The following CBR4 variants were observed in gnomAD, a reference collection of about 807,000 sequenced individuals.
The protein encoded by CBR4 is carbonyl reductase 4.
A neutral mutation model predicts 21.0 loss-of-function variants in CBR4; 22 were observed. That is an observed-to-expected ratio of 1.05 (90% confidence interval 0.75 to 1.50). The LOEUF (loss-of-function observed/expected upper bound fraction) is 1.50, where lower values mean the gene tolerates loss of function less well. Ranked by LOEUF, CBR4 falls within the 40% of genes most tolerant of loss-of-function variation. CBR4 has a pLI of 0.00. For synonymous variants in CBR4, 100 were observed against 104.4 expected (o/e 0.96, Z 0.26); for missense variants, 302 against 286.3 (o/e 1.05, Z -0.40).
chr4:168,937,739 G>A (rs1435114140), intron 2 of CBR4, among the ~76,000 whole-genome samples: 4 of 151,624 alleles, frequency 2.6e-5, no homozygotes, highest in African/African-American at 4.8e-5. Context: ...ATGGTAAAGG[G>A]ATCAATGCAA....
intron 2 of CBR4, among the ~76,000 whole-genome samples, chr4:168,902,179 T>G (rs1042205701): frequency 1.3e-5 from 2 of 152,242 alleles, no homozygotes; most frequent in African/African-American, 4.8e-5. Flanking sequence ...AATGTCAGTT[T>G]ATGTTACCAA....
chr4:168,914,766 T>G (rs1759757258), intron 2 of CBR4, among the ~76,000 whole-genome samples: 1 of 152,206 alleles, frequency 6.6e-6, no homozygotes, highest in South Asian at 2.1e-4. Context: ...AGGTGCAAAC[T>G]CCTTTAGTGA....
intron 2 of CBR4, among the ~76,000 whole-genome samples, chr4:168,934,408 T>G (rs1234050676): frequency 6.6e-6 from 1 of 151,212 alleles, no homozygotes; most frequent in East Asian, 1.9e-4. Flanking sequence ...AAAAAGTTGG[T>G]TTTTTGAAAA....
intron 2 of CBR4, among the ~76,000 whole-genome samples, chr4:168,900,854 A>G (rs1050594046): frequency 6.6e-6 from 1 of 152,238 alleles, no homozygotes; most frequent in African/African-American, 2.4e-5. Context: ...AACGAAATTC[A>G]ATAAGGAATT....
At chr4:168,967,013 T>TTA (rs1764061033) in intron 2 of CBR4, among the ~76,000 whole-genome samples, 1 of 143,776 alleles carries the variant, frequency 7.0e-6, no homozygotes, top group Non-Finnish European at 1.5e-5. Context: ...AAACTCCATC[T>TTA]AAAAAAAAAA....
At chr4:168,947,076 TC>T (rs932126170) in intron 2 of CBR4, among the ~76,000 whole-genome samples, 1 of 152,044 alleles carries the variant, frequency 6.6e-6, no homozygotes, top group African/African-American at 2.4e-5. Context: ...ACCTCAGAAG[TC>T]CCTCTACATG....
rs542126620 is a variant in CBR4 at position 168,975,377 on chromosome 4, G to A, written n.169+26694C>T. ...TAGTGCACTGGTTTTCTTGAATGCT[G>A]GTTATGTTAGCAGTGAAGTTGTCAC... On this transcript the variant is annotated intron_variant and non_coding_transcript_variant, in intron 2 of 3. Transcript: ENST00000509108. Among the ~76,000 whole-genome samples the A allele has an allele frequency of 2.0e-5, 3 of 152,328 alleles. No individual in the cohort carries two copies. The East Asian group carries it at 5.8e-4, about 29-fold the overall frequency.
intron 2 of CBR4, among the ~76,000 whole-genome samples, chr4:168,909,689 G>A (rs1250506933): frequency 2.0e-5 from 3 of 152,116 alleles, no homozygotes; most frequent in African/African-American, 4.8e-5. Context: ...GCATTAATGT[G>A]CATCAGAGCC....
At chr4:168,924,228 T>TA (rs745438422) in intron 2 of CBR4, 1 of 1,600,334 alleles carries the variant, frequency 6.2e-7, no homozygotes. Flanking sequence ...ATATCATTGA[T>TA]AGAGAATTCA....
In CBR4 at chr4:168,914,012, A is replaced by G; in HGVS notation, n.170-19247T>C. 6.3e-7 allele frequency: 1 copy of G among 1,591,286 alleles called. No individual in the cohort carries two copies. Among genetic ancestry groups the G allele is most frequent in the Non-Finnish European group, 8.6e-7 (1 of 1,159,356 alleles). ...CCCCGGTCTCCCTCAGGCCATCCTC[A>G]TGTCAGAAGGTATTTAACATGTTCC... On this transcript the variant is annotated intron_variant and non_coding_transcript_variant, in intron 2 of 3. Coordinates refer to the CBR4 transcript ENST00000509108.
intron 2 of CBR4, among the ~76,000 whole-genome samples, chr4:168,962,495 C>T (rs757909197): frequency 3.6e-4 from 55 of 152,246 alleles, no homozygotes; most frequent in Non-Finnish European, 6.3e-4. Context: ...GAGGATAATA[C>T]TCAGGTCTCT....
chr4:168,991,881 G>A (rs1764943513), intron 4 of CBR4, among the ~76,000 whole-genome samples: 1 of 152,124 alleles, frequency 6.6e-6, no homozygotes, highest in Non-Finnish European at 1.5e-5. Flanking sequence ...AACATTTAAT[G>A]TGCAATCTCA....
chr4:168,898,838 G>C, intron 2 of CBR4: 1 of 748,294 alleles, frequency 1.3e-6, no homozygotes, highest in Non-Finnish European at 2.3e-6. Context: ...CGATATAAAG[G>C]GTTTTAAATA....
At chr4:168,938,367 A>T (rs943336729) in intron 2 of CBR4, among the ~76,000 whole-genome samples, 2 of 152,214 alleles carry the variant, frequency 1.3e-5, no homozygotes, top group Admixed American at 1.3e-4. Context: ...AGCAGGAAAG[A>T]TCTAAAATCA....
At chr4:168,947,480 C>A (rs936354389) in intron 2 of CBR4, among the ~76,000 whole-genome samples, 1 of 152,056 alleles carries the variant, frequency 6.6e-6, no homozygotes, top group African/African-American at 2.4e-5. Context: ...TTTGGTGCAG[C>A]CATCACCCGA....
intron 2 of CBR4, chr4:168,927,105 G>A: frequency 4.5e-6 from 1 of 224,632 alleles, no homozygotes. Context: ...AAAGTGCTCT[G>A]AATAAAGCAG....
At chr4:168,934,273 C>CAAAAAA (rs1206272373) in intron 2 of CBR4, among the ~76,000 whole-genome samples, 4 of 10,666 alleles carry the variant, frequency 3.8e-4, no homozygotes, top group Non-Finnish European at 3.9e-4. Flanking sequence ...ACTAGAAAAG[C>CAAAAAA]AAAAAAAACA....
chr4:168,917,299 C>T (rs1457616795), intron 2 of CBR4, among the ~76,000 whole-genome samples: 2 of 152,082 alleles, frequency 1.3e-5, no homozygotes, highest in African/African-American at 2.4e-5. Context: ...CCGCCCTCCT[C>T]GGCCTTCCAA....
chr4:168,950,613 T>C (rs1478298701), intron 2 of CBR4, among the ~76,000 whole-genome samples: 1 of 152,248 alleles, frequency 6.6e-6, no homozygotes, highest in Admixed American at 6.5e-5. Flanking sequence ...GTCCATTTGT[T>C]CCAAGGTATA....
Sources: gnomAD v4.1 joint callset for allele counts (sites outside exome capture counted in the v4.1 genomes callset) on GRCh38, gnomAD v4.1.1 for gene constraint, MANE v1.5 for transcripts, NCBI Gene and HGNC (gene_info 2026-07-23, HGNC 2026-07-21) for gene names.